ATP2C1: variants seen among roughly 807,000 people sequenced by gnomAD.
ATP2C1 encodes ATPase secretory pathway Ca2+ transporting 1.
In ATP2C1, 31 loss-of-function variants were observed where a neutral mutation model predicts 120.5. The observed-to-expected ratio is 0.26, with a 90% CI of 0.19 to 0.35. The LOEUF (loss-of-function observed/expected upper bound fraction) is 0.35. Among genes scored for constraint, ATP2C1 ranks in the 10% least tolerant of loss-of-function variants. The pLI is 1.00. For synonymous variants in ATP2C1, 351 were observed against 358.7 expected (o/e 0.98, Z 0.24); for missense variants, 731 against 1,107.5 (o/e 0.66, Z 4.83).
At chr3:130,947,740 G>A (rs1443616454) in intron 8 of ATP2C1, among the ~76,000 whole-genome samples, 1 of 151,974 alleles carries the variant, frequency 6.6e-6, no homozygotes, top group East Asian at 1.9e-4. Flanking sequence ...ATCTTTTTAT[G>A]TTCCTCAGTT....
At chr3:130,872,049 A>G (rs1220943729) in intron 1 of ATP2C1, among the ~76,000 whole-genome samples, 1 of 151,800 alleles carries the variant, frequency 6.6e-6, no homozygotes, top group Non-Finnish European at 1.5e-5. Context: ...AAAATCTTTA[A>G]GCAATGTCTT....
chr3:130,989,627 T>TG (rs1269193427), intron 20 of ATP2C1, among the ~76,000 whole-genome samples: 2 of 152,148 alleles, frequency 1.3e-5, no homozygotes, highest in Non-Finnish European at 2.9e-5. Flanking sequence ...ATGAGCCGCT[T>TG]GCTCGAGCCC....
chr3:130,916,016 C>T (rs919922704), intron 2 of ATP2C1, among the ~76,000 whole-genome samples: 3 of 152,114 alleles, frequency 2.0e-5, no homozygotes, highest in Non-Finnish European at 4.4e-5. Flanking sequence ...TTATTTGTGA[C>T]AACAGAATAT....
At chr3:130,976,264 G>A (rs1316281750) in intron 18 of ATP2C1, among the ~76,000 whole-genome samples, 5 of 151,970 alleles carry the variant, frequency 3.3e-5, no homozygotes, top group African/African-American at 1.2e-4. Flanking sequence ...GGCTTTTTTT[G>A]AGTTTTAAAC....
chr3:130,889,274 G>C (rs1360029450), upstream of ATP2C1, among the ~76,000 whole-genome samples: 2 of 152,218 alleles, frequency 1.3e-5, no homozygotes, highest in Non-Finnish European at 2.9e-5. Context: ...ACTCAATACA[G>C]TGGCCCTACC....
chr3:130,971,717 A>G (rs1031965801), intron 17 of ATP2C1, among the ~76,000 whole-genome samples: 3 of 152,178 alleles, frequency 2.0e-5, no homozygotes, highest in African/African-American at 4.8e-5. Context: ...TAAGGAACCA[A>G]TAGAACTCCC....
intron 8 of ATP2C1, among the ~76,000 whole-genome samples, chr3:130,943,517 G>A (rs1017307088): frequency 6.6e-6 from 1 of 152,034 alleles, no homozygotes; most frequent in African/African-American, 2.4e-5. Context: ...GCTCCTGGCC[G>A]ACATTGTGAA....
At chr3:130,941,720 T>C (rs2059928434) in intron 8 of ATP2C1, 21 bp downstream of exon 8, 3 of 1,557,430 alleles carry the variant, frequency 1.9e-6, no homozygotes, top group Non-Finnish European at 2.7e-6. Context: ...GATCTGATTG[T>C]AATAAGTGAA....
intron 8 of ATP2C1, among the ~76,000 whole-genome samples, chr3:130,945,187 T>C (rs1276663691): frequency 6.6e-6 from 1 of 152,052 alleles, no homozygotes; most frequent in African/African-American, 2.4e-5. Flanking sequence ...GGGCATGTTA[T>C]TTGTTTTTTT....
rs1279451383 is a variant in ATP2C1, at chr3:130,996,339, G to C, written c.2126+228G>C. 7.0e-5 allele frequency: 41 copies of C among 584,558 alleles called. No homozygotes were observed. In the South Asian group the frequency reaches 7.9e-4, roughly 11 times the overall value. The allele number at this position is 584,558 out of a possible 1,614,324, so 36.2% of individuals were successfully genotyped here. On this transcript the variant is annotated intron_variant, in intron 23 of 27. Coordinates refer to ENST00000510168, the MANE Select transcript of ATP2C1 (RefSeq NM_001378687.1). The stretch of plus-strand genomic sequence containing the variant: ...GTATCATCAAAATGTATAAATCTTT[G>C]TGATTTATTTAATAGCTCACATCTC...
At chr3:130,932,869 G>A (rs1163800216) in intron 4 of ATP2C1, among the ~76,000 whole-genome samples, 1 of 152,090 alleles carries the variant, frequency 6.6e-6, no homozygotes, top group African/African-American at 2.4e-5. Context: ...TGCCTTTTCT[G>A]CTAATGAGCT....
intron 22 of ATP2C1, among the ~76,000 whole-genome samples, chr3:130,995,744 G>C (rs112776502): frequency 1.3e-5 from 2 of 152,116 alleles, no homozygotes; most frequent in Non-Finnish European, 2.9e-5. Context: ...GGGTTTAAGC[G>C]ATTCTCCTGC....
intron 27 of ATP2C1, 113 bp from the exon 28 acceptor site, chr3:131,001,104 GAAA>G (rs11403338): frequency 1.9e-3 from 639 of 339,976 alleles, no homozygotes; most frequent in East Asian, 4.7e-3. Context: ...CTTCATCTCA[GAAA>G]AAAAAAAAAA....
chr3:130,930,335 A>T (rs1553760992), intron 2 of ATP2C1, 81 bp from the exon 3 acceptor site: 1 of 903,146 alleles, frequency 1.1e-6, no homozygotes, highest in South Asian at 1.4e-5. Context: ...GTTGCTGTGA[A>T]CTTTTGGATT....
chr3:130,993,073 C>A, intron 21 of ATP2C1, 72 bp downstream of exon 21: 1 of 1,330,078 alleles, frequency 7.5e-7, no homozygotes, highest in Non-Finnish European at 1.1e-6. Context: ...GTTATGTTTG[C>A]ATTACAGGGA....
chr3:130,871,659 GTTTCACA>G, intron 1 of ATP2C1, among the ~76,000 whole-genome samples: 1 of 152,344 alleles, frequency 6.6e-6, no homozygotes, highest in South Asian at 2.1e-4. Flanking sequence ...ATGACTTAGA[GTTTCACA>G]GGTTCTTAAT....
Position 131,001,216 on chromosome 3 carries a change from G to A in ATP2C1, c.2630-4G>A, listed in dbSNP as rs146445399. ...TGTAAAACCCAACTTATTTTCTCTTGCAGATCTGTTGTTTCTTTTGGGTCT... is the reference window on the plus strand; with the variant it reads ...TGTAAAACCCAACTTATTTTCTCTTACAGATCTGTTGTTTCTTTTGGGTCT... On this transcript the variant is annotated splice_region_variant and splice_polypyrimidine_tract_variant and intron_variant, in intron 27 of 27. Transcript: ENST00000510168. 6 of 1,610,234 alleles carry A rather than the reference G, an allele frequency of 3.7e-6. No homozygotes were observed. In the East Asian group the frequency reaches 1.3e-4, roughly 36 times the overall value.
chr3:130,879,059 A>T (rs1297189384), intron 1 of ATP2C1, among the ~76,000 whole-genome samples: 2 of 151,856 alleles, frequency 1.3e-5, no homozygotes, highest in South Asian at 2.1e-4. Flanking sequence ...CTTCAGTTTT[A>T]ATATATATAT....
At chr3:130,861,565 A>G (rs987405739) in intron 1 of ATP2C1, among the ~76,000 whole-genome samples, 2 of 152,144 alleles carry the variant, frequency 1.3e-5, no homozygotes, top group African/African-American at 4.8e-5. Context: ...ATGAGGGTGA[A>G]TCTTCTTTAC....
Sources: allele counts gnomAD v4.1 joint callset (sites outside exome capture counted in the v4.1 genomes callset), GRCh38; gene constraint gnomAD v4.1.1; transcripts MANE v1.5; gene names NCBI Gene and HGNC (gene_info 2026-07-23, HGNC 2026-07-21).